The following TXNRD3 variants were observed in gnomAD, a reference collection of about 807,000 sequenced individuals.
TXNRD3 encodes the protein TXNRD3 neighbor gene protein.
In TXNRD3, 68 loss-of-function variants were observed where a neutral mutation model predicts 78.2. The observed-to-expected ratio is 0.87, with a 90% CI of 0.72 to 1.06. The LOEUF (loss-of-function observed/expected upper bound fraction) is 1.06, where lower values mean the gene tolerates loss of function less well. TXNRD3 is among the 50% of genes least tolerant of loss of function. The pLI, the probability that TXNRD3 is intolerant of heterozygous loss-of-function variation, is 0.00. For missense variants in TXNRD3, 751 were observed against 809.5 expected (o/e 0.93, Z 0.88); for synonymous variants, 296 against 300.1 (o/e 0.99, Z 0.14).
chr3:126,618,074 G>T (rs192186634), intron 12 of TXNRD3, among the ~76,000 whole-genome samples: 67 of 152,144 alleles, frequency 4.4e-4, no homozygotes, highest in African/African-American at 1.6e-3. Flanking sequence ...ACTGAAGAAG[G>T]TACAAAAATG....
chr3:126,653,735 G>C (rs1000995919), intron 1 of TXNRD3, among the ~76,000 whole-genome samples: 3 of 152,196 alleles, frequency 2.0e-5, no homozygotes, highest in African/African-American at 7.2e-5. Flanking sequence ...TAAATGCGCT[G>C]GGAGTTACGT....
At chr3:126,609,795 G>A (rs1226227368) in intron 14 of TXNRD3, among the ~76,000 whole-genome samples, 1 of 152,136 alleles carries the variant, frequency 6.6e-6, no homozygotes, top group Non-Finnish European at 1.5e-5. Context: ...CTCATGAGGA[G>A]GTCAGAACTA....
intron 12 of TXNRD3, 130 bp from the exon 13 acceptor site, chr3:126,615,592 T>C: frequency 4.6e-6 from 2 of 432,518 alleles, no homozygotes; most frequent in Non-Finnish European, 7.9e-6. Flanking sequence ...CATCAACAGC[T>C]TCAGGAAAAC....
In TXNRD3 at chr3:126,642,187, T is replaced by C. The variant is rs1933107396; in HGVS notation, c.593-36A>G. On this transcript the variant is annotated intron_variant, in intron 5 of 15. Transcript: ENST00000524230. ...AAATAAGTTTTAATGCTTCTTTGTGTGTCTAGTTTCACACATCTGCAATCA... is the reference window on the plus strand; with the variant it reads ...AAATAAGTTTTAATGCTTCTTTGTGCGTCTAGTTTCACACATCTGCAATCA... 5 of 1,515,140 alleles carry C rather than the reference T, an allele frequency of 3.3e-6. No homozygotes were observed. In the East Asian group the frequency reaches 1.2e-4, roughly 37 times the overall value. 93.9% of individuals were successfully genotyped at this position (1,515,140 alleles called of 1,614,324 possible).
intron 13 of TXNRD3, among the ~76,000 whole-genome samples, chr3:126,611,605 C>A (rs1938200255): frequency 6.6e-6 from 1 of 152,178 alleles, no homozygotes; most frequent in African/African-American, 2.4e-5. Flanking sequence ...TCATGTCTCT[C>A]ACATTTCTGT....
chr3:126,646,051 T>C, intron 3 of TXNRD3, 60 bp downstream of exon 3: 1 of 1,332,418 alleles, frequency 7.5e-7, no homozygotes, highest in Non-Finnish European at 9.9e-7. Flanking sequence ...TTCTCCTCTT[T>C]TAAATACTTT....
At chr3:126,630,658 T>G in intron 9 of TXNRD3, 54 bp downstream of exon 9, 48 of 1,433,118 alleles carry the variant, frequency 3.3e-5, no homozygotes, top group Non-Finnish European at 4.3e-5. Context: ...TGAAGTAAGG[T>G]GAGATAAAGT....
chr3:126,616,836 C>T (rs1024140440), intron 12 of TXNRD3, among the ~76,000 whole-genome samples: 1 of 152,142 alleles, frequency 6.6e-6, no homozygotes. Flanking sequence ...GTAAGTTATC[C>T]ATCAGCCTAG....
At chr3:126,641,056 C>T (rs1933073705) in intron 6 of TXNRD3, among the ~76,000 whole-genome samples, 1 of 152,164 alleles carries the variant, frequency 6.6e-6, no homozygotes, top group Non-Finnish European at 1.5e-5. Flanking sequence ...CCTGTCCAGC[C>T]TCAGACTTGA....
chr3:126,620,937 A>T (rs985122936), intron 12 of TXNRD3, among the ~76,000 whole-genome samples: 1 of 152,142 alleles, frequency 6.6e-6, no homozygotes, highest in African/African-American at 2.4e-5. Context: ...GCCCTTCCCC[A>T]GTCATCCGTC....
Position 126,607,175 on chromosome 3 carries a change from A to G in TXNRD3, c.*730T>C, listed in dbSNP as rs1175082113. ...AACTTTTGGAAATAATACTATTAAG[A>G]TGAACATGAAAAAGCAATTCAAGTA... On this transcript the variant is annotated 3_prime_UTR_variant, in exon 16 of 16. Coordinates refer to ENST00000524230, the MANE Select transcript of TXNRD3 (RefSeq NM_052883.3). The G allele has an allele frequency of 6.6e-6, 1 of 152,260 alleles. No individual in the cohort carries two copies. The highest frequency in any genetic ancestry group is 1.9e-4 in the East Asian group (1 of 5,206). 9.4% of individuals were successfully genotyped at this position (152,260 alleles called of 1,614,324 possible). A position where few individuals can be genotyped will look rare whatever the true frequency, so the allele number is the denominator to read the frequency against.
At chr3:126,649,452 C>T (rs1933321205) in intron 1 of TXNRD3, among the ~76,000 whole-genome samples, 2 of 152,232 alleles carry the variant, frequency 1.3e-5, no homozygotes, top group African/African-American at 4.8e-5. Context: ...CAAAAAATTA[C>T]AAATAGAAAT....
intron 8 of TXNRD3, 88 bp downstream of exon 8, chr3:126,631,676 T>C (rs1938717617): frequency 1.3e-6 from 1 of 798,606 alleles, no homozygotes; most frequent in African/African-American, 1.7e-5. Flanking sequence ...TCAAATCTTT[T>C]GTGGAATAAG....
chr3:126,639,685 C>G (rs1297950450), intron 6 of TXNRD3, among the ~76,000 whole-genome samples: 2 of 152,148 alleles, frequency 1.3e-5, no homozygotes, highest in Admixed American at 1.3e-4. Context: ...ATCCTCTTAC[C>G]TCAGCCTCCC....
chr3:126,634,130 C>T (rs1394241518), intron 6 of TXNRD3, 79 bp from the exon 7 acceptor site: 13 of 1,278,594 alleles, frequency 1.0e-5, no homozygotes, highest in Non-Finnish European at 1.3e-5. Context: ...ACACATGAGC[C>T]ATACTAACAG....
At position 126,621,731 on chromosome 3, in the gene TXNRD3, A is replaced by T; in HGVS notation, c.1524+11T>A. The stretch of plus-strand genomic sequence containing the variant: ...ATCAGGACATTATCTCAAAAACAGT[A>T]AGAAACTTACCTTTTCTAAAGAGGC... On this transcript the variant is annotated intron_variant, in intron 12 of 15. Transcript: ENST00000524230. 1 of 1,490,332 alleles carries T rather than the reference A, an allele frequency of 6.7e-7. No individual in the cohort carries two copies. Among genetic ancestry groups the T allele is most frequent in the Non-Finnish European group, 8.8e-7 (1 of 1,130,630 alleles). 92.3% of individuals were successfully genotyped at this position (1,490,332 alleles called of 1,614,324 possible). A position where few individuals can be genotyped will look rare whatever the true frequency, so the allele number is the denominator to read the frequency against.
chr3:126,646,978 C>T (rs1182395624), intron 2 of TXNRD3, among the ~76,000 whole-genome samples: 1 of 152,124 alleles, frequency 6.6e-6, no homozygotes, highest in Non-Finnish European at 1.5e-5. Flanking sequence ...ATCTGAAATG[C>T]CTTAAGTACT....
intron 6 of TXNRD3, among the ~76,000 whole-genome samples, chr3:126,639,700 A>G (rs1412719606): frequency 6.6e-6 from 1 of 152,158 alleles, no homozygotes. Context: ...CCTCCCGAGT[A>G]GCTAGGACTA....
chr3:126,640,664 T>C (rs567939446), intron 6 of TXNRD3, among the ~76,000 whole-genome samples: 2 of 152,308 alleles, frequency 1.3e-5, no homozygotes, highest in Admixed American at 1.3e-4. Context: ...GACATTCTGA[T>C]ACACAGCCAA....
Sources: gnomAD v4.1 joint callset for allele counts (sites outside exome capture counted in the v4.1 genomes callset) on GRCh38, gnomAD v4.1.1 for gene constraint, MANE v1.5 for transcripts, NCBI Gene and HGNC (gene_info 2026-07-23, HGNC 2026-07-21) for gene names.